Variants in ATG10 observed in about 807,000 individuals in gnomAD.
ATG10 encodes ubiquitin-like-conjugating enzyme ATG10.
A neutral mutation model predicts 32.1 loss-of-function variants in ATG10; 30 were observed. The ratio of observed to expected loss-of-function variants is 0.94; its 90% confidence interval spans 0.70 to 1.27. The LOEUF (loss-of-function observed/expected upper bound fraction) is 1.27. Among genes scored for constraint, ATG10 ranks in the 50% most tolerant of loss-of-function variants. The probability of loss-of-function intolerance (pLI) is 0.00; values close to 1 mark genes in which losing one functional copy is unlikely to be tolerated. For synonymous variants in ATG10, 87 were observed against 91.5 expected (o/e 0.95, Z 0.28); for missense variants, 233 against 262.3 (o/e 0.89, Z 0.77).
chr5:82,246,301 C>G (rs1210244398), intron 5 of ATG10, among the ~76,000 whole-genome samples: 2 of 151,926 alleles, frequency 1.3e-5, no homozygotes, highest in East Asian at 3.9e-4. Context: ...GAACTCCTGG[C>G]CTCAAGTGAT....
intron 3 of ATG10, among the ~76,000 whole-genome samples, chr5:82,089,739 A>T (rs1188466645): frequency 6.6e-6 from 1 of 152,094 alleles, no homozygotes; most frequent in Non-Finnish European, 1.5e-5. Flanking sequence ...AAAAAGAAAA[A>T]CTGATAAATT....
chr5:82,252,496 A>C (rs1747292745), intron 5 of ATG10, 66 bp from the exon 6 acceptor site: 1 of 924,566 alleles, frequency 1.1e-6, no homozygotes, highest in African/African-American at 1.7e-5. Context: ...GGAGTAAACC[A>C]GATAAATTAT....
At chr5:82,071,751 T>G (rs1764139859) in intron 3 of ATG10, among the ~76,000 whole-genome samples, 1 of 152,064 alleles carries the variant, frequency 6.6e-6, no homozygotes, top group Non-Finnish European at 1.5e-5. Flanking sequence ...GGCTGTGAAA[T>G]AGTCAGCGTT....
intron 3 of ATG10, among the ~76,000 whole-genome samples, chr5:82,090,632 A>G (rs1764850473): frequency 6.6e-6 from 1 of 152,204 alleles, no homozygotes; most frequent in Non-Finnish European, 1.5e-5. Flanking sequence ...TGTGGCTGTA[A>G]ATGGGCAACA....
chr5:82,248,605 G>T (rs929261649), intron 5 of ATG10, among the ~76,000 whole-genome samples: 8 of 152,146 alleles, frequency 5.3e-5, no homozygotes, highest in African/African-American at 1.9e-4. Flanking sequence ...ACCCAAAAAT[G>T]GTTAGTTTTT....
chr5:82,015,061 GTATT>G (rs2149699207), intron 2 of ATG10, among the ~76,000 whole-genome samples: 1 of 152,254 alleles, frequency 6.6e-6, no homozygotes, highest in Non-Finnish European at 1.5e-5. Context: ...TGTCTGTAAA[GTATT>G]TATTTCTCCT....
intron 5 of ATG10, among the ~76,000 whole-genome samples, chr5:82,186,427 T>A (rs1012107688): frequency 6.6e-6 from 1 of 152,216 alleles, no homozygotes; most frequent in Non-Finnish European, 1.5e-5. Context: ...CTGTTTGTTA[T>A]ATCCTTACTT....
chr5:82,055,072 C>G (rs1763549813), intron 2 of ATG10, among the ~76,000 whole-genome samples: 1 of 151,982 alleles, frequency 6.6e-6, no homozygotes, highest in Non-Finnish European at 1.5e-5. Context: ...GTTTGCTTGT[C>G]TCTAAAAAAG....
intron 2 of ATG10, among the ~76,000 whole-genome samples, chr5:82,048,038 C>T (rs538370191): frequency 7.0e-5 from 10 of 142,572 alleles, no homozygotes; most frequent in African/African-American, 2.1e-4. Context: ...AGATATGCGG[C>T]ATTATTTCTG....
chr5:82,230,957 T>TGATA (rs763012649), intron 5 of ATG10, among the ~76,000 whole-genome samples: 1 of 152,088 alleles, frequency 6.6e-6, no homozygotes, highest in Non-Finnish European at 1.5e-5. Flanking sequence ...TGTGCATAAC[T>TGATA]GATAGATAGA....
rs568794976 is a variant in ATG10, at chr5:82,081,266, G to C, written c.216+22664G>C. On this transcript the variant is annotated intron_variant, in intron 3 of 7. Transcript: ENST00000282185. Reference sequence around the variant, plus strand: ...GCTTAAGGAGATTTTGGGCTGAGATGATGAGGTTTTCTAAATATACAATCA... The same window carrying C: ...GCTTAAGGAGATTTTGGGCTGAGATCATGAGGTTTTCTAAATATACAATCA... Among the ~76,000 whole-genome samples, 10 of 152,338 alleles carry C rather than the reference G, an allele frequency of 6.6e-5. No homozygotes were observed. In the South Asian group the frequency reaches 2.1e-3, roughly 32 times the overall value.
chr5:82,155,765 CAAGG>C (rs1175220227), intron 3 of ATG10, among the ~76,000 whole-genome samples: 1 of 152,064 alleles, frequency 6.6e-6, no homozygotes, highest in Non-Finnish European at 1.5e-5. Context: ...AGCAAGGTAA[CAAGG>C]AAGAATTTTC....
chr5:82,078,347 A>C (rs901350406), intron 3 of ATG10: 1 of 152,222 alleles, frequency 6.6e-6, no homozygotes, highest in Non-Finnish European at 1.5e-5. Flanking sequence ...ACAAAGGCAC[A>C]ATCATTCCTA....
chr5:82,081,800 G>A (rs1764491525), intron 3 of ATG10, among the ~76,000 whole-genome samples: 2 of 152,268 alleles, frequency 1.3e-5, no homozygotes, highest in African/African-American at 2.4e-5. Context: ...GTTCATCAGG[G>A]ATATTGGTCT....
At chr5:82,038,990 G>A (rs1288448552) in intron 2 of ATG10, among the ~76,000 whole-genome samples, 1 of 152,182 alleles carries the variant, frequency 6.6e-6, no homozygotes, top group African/African-American at 2.4e-5. Context: ...TGGGACTATG[G>A]CATGTGCCAC....
chr5:81,998,905 A>G (rs1425614181), intron 2 of ATG10, among the ~76,000 whole-genome samples: 1 of 152,214 alleles, frequency 6.6e-6, no homozygotes, highest in Non-Finnish European at 1.5e-5. Context: ...TTAAAGACCT[A>G]CAAAGAGACT....
chr5:82,245,205 A>G (rs984266409), intron 5 of ATG10, among the ~76,000 whole-genome samples: 1 of 152,236 alleles, frequency 6.6e-6, no homozygotes, highest in African/African-American at 2.4e-5. Context: ...AAAAACTCTA[A>G]CACATAATTC....
intron 2 of ATG10, among the ~76,000 whole-genome samples, chr5:81,993,360 C>CCTTCTTTCTTTCTTTTCTTTTCTT (rs1761531549): frequency 4.3e-5 from 2 of 46,798 alleles, no homozygotes; most frequent in African/African-American, 1.8e-4. Flanking sequence ...TCTTTCTTTC[C>CCTTCTTTCTTTCTTTTCTTTTCTT]TTCTTTTCTT....
At chr5:82,070,555 C>A (rs551950910) in intron 3 of ATG10, among the ~76,000 whole-genome samples, 29 of 152,168 alleles carry the variant, frequency 1.9e-4, no homozygotes, top group South Asian at 1.5e-3. Flanking sequence ...TGTATTTATG[C>A]TTCTCTCTGA....
Sources: gnomAD v4.1 joint callset for allele counts (sites outside exome capture counted in the v4.1 genomes callset) on GRCh38, gnomAD v4.1.1 for gene constraint, MANE v1.5 for transcripts, NCBI Gene and HGNC (gene_info 2026-07-23, HGNC 2026-07-21) for gene names.